The following HDAC9 variants were observed in gnomAD, a reference collection of about 807,000 sequenced individuals.
HDAC9 encodes histone deacetylase 9.
A neutral mutation model predicts 139.4 loss-of-function variants in HDAC9; 41 were observed. The ratio of observed to expected loss-of-function variants is 0.29; its 90% CI spans 0.23 to 0.38. The LOEUF is 0.38. Ranked by LOEUF, HDAC9 falls within the 10% of genes least tolerant of loss-of-function variation. HDAC9 has a pLI of 1.00. For synonymous variants in HDAC9, 517 were observed against 476.2 expected, an observed-to-expected ratio of 1.09 and a Z score of -1.12; for missense variants, 1,147 against 1,297.0, an observed-to-expected ratio of 0.88 and a Z score of 1.78.
chr7:18,741,059 T>C (rs569578532), intron 13 of HDAC9, among the ~76,000 whole-genome samples: 4 of 152,242 alleles, frequency 2.6e-5, no homozygotes, highest in Admixed American at 2.6e-4. Context: ...AAAGAAGCCG[T>C]CTCTGTAACA....
intron 25 of HDAC9, among the ~76,000 whole-genome samples, chr7:18,981,649 G>T (rs911308984): frequency 3.9e-5 from 6 of 152,188 alleles, no homozygotes; most frequent in Admixed American, 6.5e-5. Context: ...CCTTTCTTCA[G>T]TCATCATATC....
intron 1 of HDAC9, among the ~76,000 whole-genome samples, chr7:18,372,160 C>T (rs1784642451): frequency 6.6e-6 from 1 of 152,222 alleles, no homozygotes; most frequent in Non-Finnish European, 1.5e-5. Context: ...GTGAGTAGTT[C>T]TGAAAGTTTC....
intron 4 of HDAC9, among the ~76,000 whole-genome samples, chr7:18,591,117 T>G (rs962765076): frequency 1.3e-5 from 2 of 152,198 alleles, no homozygotes; most frequent in African/African-American, 4.8e-5. Flanking sequence ...GAAAAGATTA[T>G]TTTAATGTGT....
intron 16 of HDAC9, among the ~76,000 whole-genome samples, chr7:18,789,086 T>A (rs7801849): frequency 1.3e-5 from 2 of 151,952 alleles, no homozygotes; most frequent in Non-Finnish European, 2.9e-5. Flanking sequence ...GACCGTGATC[T>A]GAGACAACCA....
At chr7:18,620,284 A>G (rs980480798) in intron 6 of HDAC9, among the ~76,000 whole-genome samples, 8 of 152,260 alleles carry the variant, frequency 5.3e-5, no homozygotes, top group Middle Eastern at 3.4e-3. Context: ...ATTAAATAGT[A>G]GGTTTTAATT....
At chr7:18,614,358 A>T (rs1236653203) in intron 6 of HDAC9, among the ~76,000 whole-genome samples, 1 of 152,004 alleles carries the variant, frequency 6.6e-6, no homozygotes, top group Non-Finnish European at 1.5e-5. Flanking sequence ...CTCTCTCCCA[A>T]ACATGCAAGC....
At chr7:18,706,324 G>C (rs1187657458) in intron 12 of HDAC9, among the ~76,000 whole-genome samples, 1 of 152,012 alleles carries the variant, frequency 6.6e-6, no homozygotes, top group Non-Finnish European at 1.5e-5. Flanking sequence ...TGAGGTTAAA[G>C]ACTTCGTTGA....
At chr7:18,915,055 A>G (rs1335940728) in intron 22 of HDAC9, among the ~76,000 whole-genome samples, 1 of 152,206 alleles carries the variant, frequency 6.6e-6, no homozygotes, top group Middle Eastern at 3.4e-3. Flanking sequence ...ATAAAGATAT[A>G]TGACCACTGA....
At chr7:18,561,867 T>G (rs1820724922) in intron 2 of HDAC9, among the ~76,000 whole-genome samples, 1 of 152,230 alleles carries the variant, frequency 6.6e-6, no homozygotes, top group Non-Finnish European at 1.5e-5. Context: ...TTTGGATTGT[T>G]TCGCCTTTTG....
At chr7:18,817,790 A>G (rs1049827147) in intron 17 of HDAC9, among the ~76,000 whole-genome samples, 8 of 152,194 alleles carry the variant, frequency 5.3e-5, no homozygotes, top group African/African-American at 1.9e-4. Context: ...TAGAAACTGC[A>G]GGTTCTGGCT....
At chr7:18,302,638 T>C (rs1400903007) in intron 1 of HDAC9, among the ~76,000 whole-genome samples, 1 of 152,242 alleles carries the variant, frequency 6.6e-6, no homozygotes, top group Non-Finnish European at 1.5e-5. Flanking sequence ...CGTGAACAAA[T>C]TGACTTTGCC....
intron 22 of HDAC9, among the ~76,000 whole-genome samples, chr7:18,889,095 T>TTA (rs765634129): frequency 6.6e-6 from 1 of 152,224 alleles, no homozygotes; most frequent in Non-Finnish European, 1.5e-5. Flanking sequence ...GTCTATGTAC[T>TTA]CTCTACCCTA....
intron 21 of HDAC9, among the ~76,000 whole-genome samples, chr7:18,852,356 G>A (rs1797364027): frequency 6.6e-6 from 1 of 152,206 alleles, no homozygotes; most frequent in Admixed American, 6.6e-5. Flanking sequence ...CTCCTGGCAT[G>A]TCCAGGAACT....
chr7:18,565,492 G>A (rs1251903904), intron 2 of HDAC9, among the ~76,000 whole-genome samples: 1 of 152,096 alleles, frequency 6.6e-6, no homozygotes, highest in Non-Finnish European at 1.5e-5. Context: ...GTTTACCATT[G>A]TTAGTTGGGC....
At chr7:18,539,667 TTTG>T (rs371576433) in intron 2 of HDAC9, among the ~76,000 whole-genome samples, 4,060 of 151,550 alleles carry the variant, frequency 0.027, 170 homozygotes, top group African/African-American at 0.088. Flanking sequence ...AAACAAAAAG[TTTG>T]TTGTTGTTGT....
At chr7:18,905,799 CCTT>C (rs374970102) in intron 22 of HDAC9, among the ~76,000 whole-genome samples, 5 of 152,252 alleles carry the variant, frequency 3.3e-5, no homozygotes, top group African/African-American at 9.6e-5. Context: ...CACTCGCACT[CCTT>C]CTTCCTTCTC....
chr7:18,679,972 T>C (rs1329684678), intron 12 of HDAC9, among the ~76,000 whole-genome samples: 1 of 151,954 alleles, frequency 6.6e-6, no homozygotes, highest in Admixed American at 6.6e-5. Context: ...CATTTAGTTT[T>C]CCACCACAGT....
At position 18,716,106 on chromosome 7, in the gene HDAC9, G is replaced by A. The variant is rs140318346; in HGVS notation, c.1732-11474G>A. Among the ~76,000 whole-genome samples the A allele has an allele frequency of 4.7e-3, 710 of 152,272 alleles. 5 individuals are homozygous for A. The highest frequency in any genetic ancestry group is 0.016 in the African/African-American group (651 of 41,558). ...CTCAAGAGATCCATCTTATTCAAAC[G>A]AAACCTCTTTTTCCCCTCCTTCTCT... On this transcript the variant is annotated intron_variant, in intron 12 of 25. Transcript: ENST00000686413.
At chr7:18,581,397 G>T (rs891460022) in intron 2 of HDAC9, among the ~76,000 whole-genome samples, 1 of 152,074 alleles carries the variant, frequency 6.6e-6, no homozygotes, top group African/African-American at 2.4e-5. Context: ...GCAGTTAGAC[G>T]CAATCATTTC....
Sources: allele counts gnomAD v4.1 joint callset (sites outside exome capture counted in the v4.1 genomes callset), GRCh38; gene constraint gnomAD v4.1.1; transcripts MANE v1.5; gene names NCBI Gene and HGNC (gene_info 2026-07-23, HGNC 2026-07-21).